Variants in SGF29 observed in about 807,000 individuals in gnomAD.
The protein encoded by SGF29 is SAGA complex associated factor 29, also known as SAGA-associated factor 29.
Under a neutral mutation model 38.1 loss-of-function variants are expected in SGF29, and 15 were observed. The observed-to-expected ratio is 0.39, with a 90% CI of 0.26 to 0.61. The LOEUF is 0.61. Ranked by LOEUF, SGF29 falls within the 20% of genes least tolerant of loss-of-function variation. The pLI, the probability that SGF29 is intolerant of heterozygous loss-of-function variation, is 0.49. For missense variants in SGF29, 184 were observed against 394.6 expected (o/e 0.47, Z 4.52); for synonymous variants, 151 against 160.8 (o/e 0.94, Z 0.46).
Position 28,590,832 on chromosome 16 carries a change from A to C in SGF29, c.662A>C (p.Glu221Ala). The change falls in exon 9 of 10, where the codon GAG becomes GCG. Residue 221 changes from glutamate to alanine, a missense_variant. Around this residue, in one of 2 missense-constraint regions of SGF29, gnomAD observed 107 missense variants for 276.9 expected, o/e 0.39. Transcript: ENST00000317058. This position sits in a 1 kb window ranked among gnomAD's most constrained non-coding sequence, Gnocchi z 8.2. ...CTGCCCCAGTGGAAGGCCAACCCGG[A>C]GACGGACCCTGAGGCCTTGTTCCAG... The part of the protein sequence containing the change: ...IPLPQWKANP[E>A]TDPEALFQKE... 1.2e-6 allele frequency: 2 copies of C among 1,614,042 alleles called. No homozygotes were observed. The highest frequency in any genetic ancestry group is 1.7e-6 in the Non-Finnish European group (2 of 1,179,964).
rs779282386 is a variant in SGF29, at chr16:28,585,691, C to T, written c.195C>T (p.Thr65=). ...CAAAGCTGCGTGGCCTCTACACAAC[C>T]GCCAAGGCCGATGCAGAGGCTGAGT... ...YRTKLRGLYT[T]AKADAEAECN... The change falls in exon 4 of 10, where the codon ACC becomes ACT. Residue 65 remains threonine, a synonymous_variant. Coordinates refer to ENST00000317058, the MANE Select transcript of SGF29 (RefSeq NM_138414.3). 9 of 1,614,212 alleles carry T rather than the reference C, an allele frequency of 5.6e-6. No individual in the cohort carries two copies. Among genetic ancestry groups the T allele is most frequent in the Middle Eastern group, 1.6e-4 (1 of 6,062 alleles).
intron 1 of SGF29, among the ~76,000 whole-genome samples, chr16:28,560,960 CAA>C (rs531139717): frequency 6.7e-5 from 6 of 89,220 alleles, no homozygotes; most frequent in Admixed American, 1.1e-4. Context: ...GACTCTGTCT[CAA>C]AAAAAAAAAA....
At chr16:28,580,208 C>A (rs1425117135) in intron 1 of SGF29, among the ~76,000 whole-genome samples, 1 of 152,108 alleles carries the variant, frequency 6.6e-6, no homozygotes, top group African/African-American at 2.4e-5. Context: ...TCCTTGACTT[C>A]GTCGAACATA....
chr16:28,589,181 A>G lies in SGF29; in HGVS notation c.289+17A>G, dbSNP rs767132881. 41 of 1,613,638 alleles carry G rather than the reference A, an allele frequency of 2.5e-5. No individual in the cohort carries two copies. The South Asian group carries it at 4.3e-4, about 17-fold the overall frequency. ...GGCGGATTGGTGAGTGGGAGAGAAC[A>G]TGCTGGGAGGTCCTTTGCTAGGACA... is the stretch of plus-strand genomic sequence containing the variant. On this transcript the variant is annotated intron_variant, in intron 5 of 9. Coordinates refer to ENST00000317058, the MANE Select transcript of SGF29 (RefSeq NM_138414.3).
At chr16:28,566,999 T>G (rs80222714) in intron 1 of SGF29, among the ~76,000 whole-genome samples, 5,201 of 152,248 alleles carry the variant, frequency 0.034, 315 homozygotes, top group African/African-American at 0.12. Context: ...TACATTCAAT[T>G]ATAAAATCAT....
At chr16:28,562,509 T>A (rs1280619489) in intron 1 of SGF29, among the ~76,000 whole-genome samples, 1 of 152,138 alleles carries the variant, frequency 6.6e-6, no homozygotes, top group East Asian at 1.9e-4. Flanking sequence ...GCTGCTCGCC[T>A]CTTCAGTGTT....
chr16:28,575,658 T>C (rs1377111434), intron 1 of SGF29, among the ~76,000 whole-genome samples: 1 of 152,148 alleles, frequency 6.6e-6, no homozygotes, highest in African/African-American at 2.4e-5. Context: ...GCACTCCAGC[T>C]TGGGTGGCAG....
At chr16:28,584,151 C>T (rs988425748) in intron 2 of SGF29, among the ~76,000 whole-genome samples, 2 of 151,900 alleles carry the variant, frequency 1.3e-5, no homozygotes, top group Admixed American at 6.6e-5. Flanking sequence ...CTACAATGCC[C>T]GGCTAATTTT....
At chr16:28,567,039 G>A (rs1490005033) in intron 1 of SGF29, among the ~76,000 whole-genome samples, 10 of 151,972 alleles carry the variant, frequency 6.6e-5, no homozygotes, top group African/African-American at 2.2e-4. Flanking sequence ...AATATTTTCT[G>A]GACACACTGA....
intron 1 of SGF29, among the ~76,000 whole-genome samples, chr16:28,579,463 G>A (rs879308377): frequency 4.0e-5 from 6 of 150,064 alleles, no homozygotes; most frequent in Non-Finnish European, 7.4e-5. Flanking sequence ...TCACCATGTT[G>A]GCCAGGATGG....
chr16:28,566,799 C>T (rs1596599012), intron 1 of SGF29, among the ~76,000 whole-genome samples: 1 of 152,184 alleles, frequency 6.6e-6, no homozygotes, highest in African/African-American at 2.4e-5. Flanking sequence ...TCCCAAGTAG[C>T]TGGGATTACA....
chr16:28,569,699 G>A (rs1425220892), intron 1 of SGF29, among the ~76,000 whole-genome samples: 3 of 152,138 alleles, frequency 2.0e-5, no homozygotes, highest in Non-Finnish European at 4.4e-5. Context: ...TATGAAAGGT[G>A]TGGCCAAGCC....
In SGF29 at chr16:28,591,757, A is replaced by G; in HGVS notation, c.*51A>G. The G allele has an allele frequency of 6.9e-7, 1 of 1,448,054 alleles. No individual in the cohort carries two copies. The highest frequency in any genetic ancestry group is 2.3e-5 in the East Asian group (1 of 44,124). The allele number at this position is 1,448,054 out of a possible 1,614,324, so 89.7% of individuals were successfully genotyped here. On this transcript the variant is annotated 3_prime_UTR_variant, in exon 10 of 10. Transcript: ENST00000317058. ...CCAACGACACAGGGCAGGACAGCAGAGGACGTGCTGGGATTAAACACATTC... is the reference window on the plus strand; with the variant it reads ...CCAACGACACAGGGCAGGACAGCAGGGGACGTGCTGGGATTAAACACATTC...
At chr16:28,571,610 G>C (rs927437502) in intron 1 of SGF29, among the ~76,000 whole-genome samples, 1 of 113,378 alleles carries the variant, frequency 8.8e-6, no homozygotes, top group Admixed American at 9.1e-5. Context: ...AAAAAAAAAA[G>C]ATTCTGAATC....
At chr16:28,582,545 AG>A (rs2046932347) in intron 2 of SGF29, among the ~76,000 whole-genome samples, 1 of 152,222 alleles carries the variant, frequency 6.6e-6, no homozygotes. Flanking sequence ...GAGACTGCGC[AG>A]GGCAGAGCAG....
intron 5 of SGF29, among the ~76,000 whole-genome samples, chr16:28,589,834 C>T (rs1278055041): frequency 6.6e-6 from 1 of 152,194 alleles, no homozygotes; most frequent in African/African-American, 2.4e-5. Context: ...ACAGCCTGAA[C>T]AGCACCTTGG....
intron 1 of SGF29, among the ~76,000 whole-genome samples, chr16:28,559,889 G>A (rs986755536): frequency 4.6e-5 from 7 of 152,112 alleles, no homozygotes; most frequent in African/African-American, 1.7e-4. Flanking sequence ...ACAGAATCCA[G>A]AGTCTACAAC....
chr16:28,590,245 G>A lies in SGF29; in HGVS notation c.419+20G>A. On this transcript the variant is annotated intron_variant, in intron 6 of 9. Coordinates refer to ENST00000317058, the MANE Select transcript of SGF29 (RefSeq NM_138414.3). The surrounding 1 kb of genome is among the most constrained non-coding windows in gnomAD (Gnocchi z 8.2). ...TGACAAGTGAGGGCAGCAGCTGCGA[G>A]GGAGGGGCTGGTGCCCAGGGGCTGG... 5.6e-6 allele frequency: 9 copies of A among 1,609,604 alleles called. No individual in the cohort carries two copies. Among genetic ancestry groups the A allele is most frequent in the Non-Finnish European group, 6.8e-6 (8 of 1,178,302 alleles).
intron 1 of SGF29, among the ~76,000 whole-genome samples, chr16:28,564,569 ATATATATACACG>A (rs2046813308): frequency 1.5e-5 from 2 of 133,182 alleles, no homozygotes; most frequent in Non-Finnish European, 3.2e-5. Flanking sequence ...ATATATACGT[ATATATATACACG>A]TATATATATA....
Sources: gnomAD v4.1 joint callset for allele counts (sites outside exome capture counted in the v4.1 genomes callset) on GRCh38, gnomAD v4.1.1 for gene constraint, gnomAD v4.1.1 regional missense constraint, Gnocchi (gnomAD v3.1) non-coding constraint, MANE v1.5 for transcripts, NCBI Gene and HGNC (gene_info 2026-07-23, HGNC 2026-07-21) for gene names.